GATA4: variants seen among roughly 807,000 people sequenced by gnomAD.
GATA4 encodes GATA binding protein 4, also known as transcription factor GATA-4.
Under a neutral mutation model 37.9 loss-of-function variants are expected in GATA4, and 7 were observed. That is an observed-to-expected ratio of 0.18 (90% CI 0.11 to 0.35). GATA4 has a LOEUF of 0.35. Ranked by LOEUF, GATA4 falls within the 10% of genes least tolerant of loss-of-function variation. GATA4 has a pLI of 1.00. For synonymous variants in GATA4, 372 were observed against 292.6 expected, an observed-to-expected ratio of 1.27 and a Z score of -2.77; for missense variants, 647 against 653.0, an observed-to-expected ratio of 0.99 and a Z score of 0.10.
chr8:11,697,113 C>T (rs1799530745), intron 1 of GATA4, among the ~76,000 whole-genome samples: 1 of 152,214 alleles, frequency 6.6e-6, no homozygotes, highest in African/African-American at 2.4e-5. Flanking sequence ...TTCACTGCGC[C>T]CCTTTGCACC....
At chr8:11,682,859 T>C (rs980546816) in intron 1 of GATA4, among the ~76,000 whole-genome samples, 3 of 152,120 alleles carry the variant, frequency 2.0e-5, no homozygotes, top group African/African-American at 7.2e-5. Flanking sequence ...TTCTCAGAGG[T>C]TGACACAGAA....
chr8:11,726,539 T>C (rs1441749300), intron 2 of GATA4, among the ~76,000 whole-genome samples: 4 of 152,120 alleles, frequency 2.6e-5, no homozygotes, highest in Non-Finnish European at 5.9e-5. Context: ...GTGGCTGGAC[T>C]CTGAGGGCTA....
chr8:11,702,244 G>A (rs984332655), upstream of GATA4, among the ~76,000 whole-genome samples: 12 of 152,162 alleles, frequency 7.9e-5, no homozygotes, highest in Admixed American at 5.2e-4. This position sits in a 1 kb window ranked among gnomAD's most constrained non-coding sequence, Gnocchi z 4.4. Context: ...CCCCTGGCTT[G>A]TTGCTAAGAA....
rs1336667597 is a variant in GATA4, at chr8:11,708,618, G to T, written c.306G>T (p.Pro102=). The T allele has an allele frequency of 6.7e-6, 9 of 1,342,412 alleles. No homozygotes were observed. Among genetic ancestry groups the T allele is most frequent in the African/African-American group, 3.0e-5 (2 of 65,730 alleles). 83.2% of individuals were successfully genotyped at this position (1,342,412 alleles called of 1,614,324 possible). ...CCGACGGAGCCGCTTACACCCCGCC[G>T]CCGGTGTCGCCGCGCTTCTCCTTCC... ...AGADGAAYTP[P]PVSPRFSFPG... is the part of the protein sequence containing the mutation. The change falls in exon 2 of 7, where the codon CCG becomes CCT. Residue 102 remains proline, a synonymous_variant. Coordinates refer to ENST00000532059, the MANE Select transcript of GATA4 (RefSeq NM_001308093.3). This position sits in a 1 kb window ranked among gnomAD's most constrained non-coding sequence, Gnocchi z 6.7.
At chr8:11,703,134 A>G (rs527636923), upstream of GATA4, among the ~76,000 whole-genome samples, 59 of 151,942 alleles carry the variant, frequency 3.9e-4, no homozygotes, top group African/African-American at 1.3e-3. Context: ...CCATCCCTCT[A>G]ATCTGGCTTG....
At chr8:11,705,138 G>T (rs2130046778) in intron 1 of GATA4, among the ~76,000 whole-genome samples, 1 of 152,366 alleles carries the variant, frequency 6.6e-6, no homozygotes, top group African/African-American at 2.4e-5. Context: ...AAAGAGCGTG[G>T]TGGGGGACCC....
chr8:11,698,165 C>T (rs1799563404), intron 1 of GATA4, among the ~76,000 whole-genome samples: 1 of 152,206 alleles, frequency 6.6e-6, no homozygotes. Flanking sequence ...CCTTAACTTC[C>T]CAGGGTCTGT....
intron 1 of GATA4, chr8:11,680,451 T>C: frequency 2.0e-6 from 2 of 984,486 alleles, no homozygotes; most frequent in Non-Finnish European, 2.4e-6. Flanking sequence ...TCTCCGTTCC[T>C]GGCAAGGCCG....
intron 2 of GATA4, among the ~76,000 whole-genome samples, chr8:11,741,475 T>C (rs560258846): frequency 9.9e-5 from 15 of 151,856 alleles, no homozygotes; most frequent in South Asian, 6.3e-4. Context: ...CAAGACCCCA[T>C]TGAAAAAAAC....
In GATA4 at chr8:11,681,553, A is replaced by T. The variant is rs562892231; in HGVS notation, c.-274+4490A>T. The T allele has an allele frequency of 1.9e-5, 14 of 731,784 alleles. No individual in the cohort carries two copies. In the East Asian group the frequency reaches 1.7e-3, roughly 89 times the overall value. 45.3% of individuals were successfully genotyped at this position (731,784 alleles called of 1,614,324 possible). A position where few individuals can be genotyped will look rare whatever the true frequency, so the allele number is the denominator to read the frequency against. On this transcript the variant is annotated intron_variant, in intron 1 of 6. Transcript: ENST00000528712. ...GGAACGGCTGCTGTTGTTTCTTTAG[A>T]TACTGAATATAATTTCTCCCTCCTC... is the stretch of plus-strand genomic sequence containing the variant.
chr8:11,753,539 G>A (rs1329260948), intron 4 of GATA4, among the ~76,000 whole-genome samples: 2 of 151,692 alleles, frequency 1.3e-5, no homozygotes, highest in South Asian at 2.1e-4. Flanking sequence ...TTAACGTGAG[G>A]GGGAGATTCT....
In GATA4 at chr8:11,709,496, G is replaced by T. The variant is rs1407201173; in HGVS notation, c.616+568G>T. ...CAAAGGAGGGATGGACAAAGGAGAC[G>T]CCGGGGAGATGCGCGGAACAGGAGC... On this transcript the variant is annotated intron_variant, in intron 2 of 6. Coordinates refer to ENST00000532059, the MANE Select transcript of GATA4 (RefSeq NM_001308093.3). This position sits in a 1 kb window ranked among gnomAD's most constrained non-coding sequence, Gnocchi z 4.3. Among the ~76,000 whole-genome samples the T allele has an allele frequency of 6.6e-6, 1 of 151,390 alleles. No homozygotes were observed. Among genetic ancestry groups the T allele is most frequent in the Non-Finnish European group, 1.5e-5 (1 of 67,854 alleles).
At chr8:11,727,070 G>T (rs919909055) in intron 2 of GATA4, among the ~76,000 whole-genome samples, 8 of 152,182 alleles carry the variant, frequency 5.3e-5, no homozygotes, top group Admixed American at 1.3e-4. Context: ...ATGCCTCTCA[G>T]CCTCATCATA....
chr8:11,705,681 C>G (rs1341886492), intron 1 of GATA4, among the ~76,000 whole-genome samples: 1 of 152,198 alleles, frequency 6.6e-6, no homozygotes, highest in African/African-American at 2.4e-5. Context: ...CCAAGAGCAG[C>G]TAATTCCTTG....
At chr8:11,756,878 C>T (rs1218498067) in intron 5 of GATA4, 57 bp from the exon 6 acceptor site, 9 of 1,613,074 alleles carry the variant, frequency 5.6e-6, no homozygotes, top group East Asian at 4.5e-5. Flanking sequence ...CGCAGGCTGC[C>T]GGCTGTTCGT....
At chr8:11,680,298 G>C (rs901618632) in intron 1 of GATA4, among the ~76,000 whole-genome samples, 1 of 152,238 alleles carries the variant, frequency 6.6e-6, no homozygotes, top group Non-Finnish European at 1.5e-5. Context: ...TCAGCAGCGC[G>C]AGGCTCGGAA....
chr8:11,755,169 A>C lies in GATA4; in HGVS notation c.1000+36A>C, dbSNP rs116050391. On this transcript the variant is annotated intron_variant, in intron 5 of 6. Transcript: ENST00000532059. Reference sequence around the variant, plus strand: ...GATCTGTGAGTGATTATATGAGTACATCAGGAGCCCTCAGAGTGCCTAAGA... The same window carrying C: ...GATCTGTGAGTGATTATATGAGTACCTCAGGAGCCCTCAGAGTGCCTAAGA... 3.2e-4 allele frequency: 489 copies of C among 1,539,326 alleles called. 2 individuals carry two copies. The African/African-American group carries it at 6.1e-3, about 19-fold the overall frequency.
chr8:11,756,556 T>C (rs979750571), intron 5 of GATA4: 14 of 346,560 alleles, frequency 4.0e-5, no homozygotes, highest in African/African-American at 2.8e-4. Flanking sequence ...TTCAGTATGA[T>C]ATTCACGTGT....
intron 2 of GATA4, among the ~76,000 whole-genome samples, chr8:11,735,617 C>T (rs1288307349): frequency 2.6e-5 from 4 of 152,080 alleles, no homozygotes; most frequent in Non-Finnish European, 5.9e-5. Flanking sequence ...GGCTGGAGTG[C>T]AATGGTGCAA....
Sources: allele counts gnomAD v4.1 joint callset (sites outside exome capture counted in the v4.1 genomes callset), GRCh38; gene constraint gnomAD v4.1.1; non-coding constraint Gnocchi (gnomAD v3.1); transcripts MANE v1.5; gene names NCBI Gene and HGNC (gene_info 2026-07-23, HGNC 2026-07-21).